Variants in STPG2 observed in about 807,000 individuals in gnomAD.
STPG2 encodes the protein sperm-tail PG-rich repeat-containing protein 2.
A neutral mutation model predicts 54.2 loss-of-function variants in STPG2; 56 were observed. The observed-to-expected ratio is 1.03, with a 90% CI of 0.83 to 1.29. The LOEUF (loss-of-function observed/expected upper bound fraction) is 1.29, where lower values mean the gene tolerates loss of function less well. Ranked by LOEUF, STPG2 falls within the 50% of genes most tolerant of loss-of-function variation. The pLI is 0.00. For missense variants in STPG2, 596 were observed against 544.9 expected (o/e 1.09, Z -0.93); for synonymous variants, 200 against 181.8 (o/e 1.10, Z -0.81).
At chr4:98,104,176 CA>C (rs1217202338) in intron 5 of STPG2, among the ~76,000 whole-genome samples, 5 of 152,088 alleles carry the variant, frequency 3.3e-5, no homozygotes, top group African/African-American at 1.2e-4. Context: ...TATAACAAAA[CA>C]ATGGAAAATT....
At chr4:98,035,215 G>T (rs4623006) in intron 5 of STPG2, among the ~76,000 whole-genome samples, 59,907 of 151,864 alleles carry the variant, frequency 0.39, 12,028 homozygotes, top group Middle Eastern at 0.46. Context: ...AAAGGGCTAA[G>T]ATCCAGAATC....
At chr4:97,448,398 G>A (rs147372488) in intron 4 of STPG2, among the ~76,000 whole-genome samples, 3,559 of 152,138 alleles carry the variant, frequency 0.023, 112 homozygotes, top group African/African-American at 0.078. Flanking sequence ...TGTCCCCACC[G>A]AAATCTCATC....
chr4:97,684,008 T>C (rs1163162789), intron 10 of STPG2, among the ~76,000 whole-genome samples: 1 of 151,836 alleles, frequency 6.6e-6, no homozygotes, highest in Non-Finnish European at 1.5e-5. Flanking sequence ...GCCATTTATA[T>C]TAGCTTGCAA....
At chr4:98,015,904 G>C (rs1239730475) in intron 5 of STPG2, among the ~76,000 whole-genome samples, 3 of 152,104 alleles carry the variant, frequency 2.0e-5, no homozygotes, top group African/African-American at 7.2e-5. Context: ...CATGTCCTTT[G>C]CAGGGACATG....
Position 98,109,299 on chromosome 4 carries a change from A to G in STPG2, c.394T>C (p.Ser132Pro). 6.3e-7 allele frequency: 1 copy of G among 1,592,630 alleles called. No individual in the cohort carries two copies. The highest frequency in any genetic ancestry group is 8.5e-7 in the Non-Finnish European group (1 of 1,170,326). ...CCTTTGTATTTCAAAGTTGCATTGG[A>G]AACATCCTAAAAAATAAAAAGTTTT... Reference protein sequence around the residue: ...PAYYKPQFDVSNATLKYKGIH... With the variant: ...PAYYKPQFDVPNATLKYKGIH... Residue 132 changes from serine to proline, a missense_variant, in exon 4 of 11, where the codon TCC (serine) becomes CCC (proline). Transcript: ENST00000295268.
chr4:97,881,938 A>G (rs368886794), intron 8 of STPG2, among the ~76,000 whole-genome samples: 2 of 152,286 alleles, frequency 1.3e-5, no homozygotes, highest in African/African-American at 4.8e-5. Context: ...TCCTAACAAC[A>G]AAATCTAATT....
intron 10 of STPG2, among the ~76,000 whole-genome samples, chr4:97,679,654 G>T (rs1425623900): frequency 7.9e-5 from 12 of 152,014 alleles, no homozygotes; most frequent in Non-Finnish European, 1.3e-4. Flanking sequence ...GTCAATTTTG[G>T]CTTTTGTTGC....
chr4:98,122,849 C>T (rs1290999587), intron 3 of STPG2, among the ~76,000 whole-genome samples: 2 of 151,796 alleles, frequency 1.3e-5, no homozygotes. Context: ...TTTCAGAACT[C>T]ATTATTACTG....
chr4:97,838,759 T>A (rs1225209783), intron 9 of STPG2, among the ~76,000 whole-genome samples: 1 of 151,526 alleles, frequency 6.6e-6, no homozygotes, highest in East Asian at 1.9e-4. Flanking sequence ...CAGATTAAAT[T>A]TAAAAGGATA....
chr4:98,028,203 A>G (rs1181785267), intron 5 of STPG2, among the ~76,000 whole-genome samples: 1 of 152,228 alleles, frequency 6.6e-6, no homozygotes, highest in Non-Finnish European at 1.5e-5. Context: ...CTGAAAGTGA[A>G]TCTTCGAATT....
At chr4:97,949,358 T>G (rs1242665440) in intron 7 of STPG2, among the ~76,000 whole-genome samples, 1 of 152,150 alleles carries the variant, frequency 6.6e-6, no homozygotes, top group Non-Finnish European at 1.5e-5. Context: ...TAGTTTGTGA[T>G]TTTTCTTATC....
chr4:97,831,898 C>T (rs1728481052), intron 9 of STPG2, among the ~76,000 whole-genome samples: 1 of 151,976 alleles, frequency 6.6e-6, no homozygotes, highest in Non-Finnish European at 1.5e-5. Flanking sequence ...AACCAAAAAA[C>T]ATCCAGGACC....
At chr4:97,444,523 T>C (rs192982246) in intron 4 of STPG2, among the ~76,000 whole-genome samples, 8 of 152,320 alleles carry the variant, frequency 5.3e-5, no homozygotes, top group African/African-American at 1.9e-4. Context: ...TGAACTTCTT[T>C]ATTCAGCAAA....
chr4:97,671,777 T>G (rs1311591435), intron 10 of STPG2, among the ~76,000 whole-genome samples: 3 of 152,146 alleles, frequency 2.0e-5, no homozygotes, highest in African/African-American at 4.8e-5. Context: ...ACTCTGTAAG[T>G]GGGCATGGTA....
intron 4 of STPG2, among the ~76,000 whole-genome samples, chr4:97,484,524 AC>A (rs1216495387): frequency 1.3e-5 from 2 of 151,890 alleles, no homozygotes; most frequent in Non-Finnish European, 2.9e-5. Flanking sequence ...AGAATTAGAT[AC>A]TCTGAACACA....
chr4:97,660,327 C>T (rs538992595), intron 10 of STPG2, among the ~76,000 whole-genome samples: 1 of 152,240 alleles, frequency 6.6e-6, no homozygotes, highest in East Asian at 1.9e-4. Context: ...ATTATATTGA[C>T]GGATCTGTTA....
intron 7 of STPG2, among the ~76,000 whole-genome samples, chr4:97,964,736 G>A (rs561712522): frequency 6.6e-6 from 1 of 152,134 alleles, no homozygotes; most frequent in African/African-American, 2.4e-5. Context: ...TGTTCCTTCT[G>A]TTGTTGTCTT....
intron 8 of STPG2, among the ~76,000 whole-genome samples, chr4:97,890,969 GA>G (rs983020457): frequency 2.0e-5 from 3 of 151,586 alleles, no homozygotes; most frequent in South Asian, 2.1e-4. Flanking sequence ...ACTGACTCTT[GA>G]AAAAAATTAA....
At chr4:97,891,646 T>G (rs72686448) in intron 8 of STPG2, among the ~76,000 whole-genome samples, 2,076 of 152,230 alleles carry the variant, frequency 0.014, 19 homozygotes, top group Non-Finnish European at 0.02. Flanking sequence ...TATATCTTGC[T>G]CTTATTCATT....
Sources: allele counts gnomAD v4.1 joint callset (sites outside exome capture counted in the v4.1 genomes callset), GRCh38; gene constraint gnomAD v4.1.1; transcripts MANE v1.5; gene names NCBI Gene and HGNC (gene_info 2026-07-23, HGNC 2026-07-21).